Variants in KCNA2 observed in about 807,000 individuals in gnomAD.
KCNA2 encodes potassium channel, voltage gated shaker related subfamily A, member 2.
Under a neutral mutation model 33.4 loss-of-function variants are expected in KCNA2, and 11 were observed. The ratio of observed to expected loss-of-function variants is 0.33; its 90% CI spans 0.21 to 0.55. The LOEUF (loss-of-function observed/expected upper bound fraction) is 0.55, where lower values mean the gene tolerates loss of function less well. Among genes scored for constraint, KCNA2 ranks in the 20% least tolerant of loss-of-function variants. The pLI, the probability that KCNA2 is intolerant of heterozygous loss-of-function variation, is 0.93. For missense variants in KCNA2, 291 were observed against 621.6 expected (o/e 0.47, Z 5.66); for synonymous variants, 222 against 231.3 (o/e 0.96, Z 0.37).
In KCNA2 at chr1:110,599,993, C is replaced by T; in HGVS notation, c.*3290G>A. 2.0e-6 allele frequency: 2 copies of T among 985,158 alleles called. No homozygotes were observed. Among genetic ancestry groups the T allele is most frequent in the Non-Finnish European group, 2.4e-6 (2 of 829,890 alleles). 61.0% of individuals were successfully genotyped at this position (985,158 alleles called of 1,614,324 possible). On this transcript the variant is annotated 3_prime_UTR_variant, in exon 3 of 3. Transcript: ENST00000316361. ...GTCAGATATCTGCTTGATGTGGTGG[C>T]CCATCCTCCTGCTTGAAACCTAGGA...
intron 1 of KCNA2, among the ~76,000 whole-genome samples, chr1:110,618,692 G>T (rs956466509): frequency 6.6e-6 from 1 of 152,076 alleles, no homozygotes; most frequent in East Asian, 1.9e-4. Flanking sequence ...CCAAATTCTT[G>T]CTTCCTTCCC....
rs1649320277 is a variant in KCNA2 at position 110,601,053 on chromosome 1, T to C, written c.*2230A>G. 1.0e-6 allele frequency: 1 copy of C among 985,300 alleles called. No individual in the cohort carries two copies. Among genetic ancestry groups the C allele is most frequent in the Non-Finnish European group, 1.2e-6 (1 of 829,942 alleles). 61.0% of individuals were successfully genotyped at this position (985,300 alleles called of 1,614,324 possible). On this transcript the variant is annotated 3_prime_UTR_variant, in exon 3 of 3. Coordinates refer to ENST00000316361, the MANE Select transcript of KCNA2 (RefSeq NM_004974.4). Reference sequence around the variant, plus strand: ...GTTAAAAGCCCCCTACCTGAAGCCATTTCAGGGTCAACCTACTGTCTACCT... The same window carrying C: ...GTTAAAAGCCCCCTACCTGAAGCCACTTCAGGGTCAACCTACTGTCTACCT...
At chr1:110,611,587 A>T (rs116143756) in intron 1 of KCNA2, among the ~76,000 whole-genome samples, 123 of 152,280 alleles carry the variant, frequency 8.1e-4, no homozygotes, top group African/African-American at 2.9e-3. Flanking sequence ...TTAGCTGGGC[A>T]TAATAGCATG....
At chr1:110,629,800 G>A (rs1169955954) in intron 1 of KCNA2, among the ~76,000 whole-genome samples, 1 of 152,138 alleles carries the variant, frequency 6.6e-6, no homozygotes, top group East Asian at 1.9e-4. Flanking sequence ...TATGGTATTG[G>A]CAGAAAACAG....
chr1:110,612,253 C>A (rs1224487090), intron 1 of KCNA2, among the ~76,000 whole-genome samples: 1 of 152,112 alleles, frequency 6.6e-6, no homozygotes, highest in Non-Finnish European at 1.5e-5. Context: ...GTGATCTCAT[C>A]GTTGTGCAAA....
chr1:110,610,335 C>T (rs999030242), upstream of KCNA2, among the ~76,000 whole-genome samples: 10 of 152,216 alleles, frequency 6.6e-5, no homozygotes, highest in African/African-American at 2.2e-4. Context: ...TCTCAGGTGT[C>T]ACTCCCAGGG....
At chr1:110,610,990 C>T (rs1291658238), upstream of KCNA2, among the ~76,000 whole-genome samples, 1 of 151,024 alleles carries the variant, frequency 6.6e-6, no homozygotes, top group Non-Finnish European at 1.5e-5. Flanking sequence ...CGCCCACCCC[C>T]TTGCTTCATA....
intron 1 of KCNA2, among the ~76,000 whole-genome samples, chr1:110,622,134 G>C (rs1650273801): frequency 6.6e-6 from 1 of 151,974 alleles, no homozygotes; most frequent in Non-Finnish European, 1.5e-5. Flanking sequence ...AAAATAATAA[G>C]AAAAGAATAA....
At chr1:110,611,352 C>T (rs1649866602), upstream of KCNA2, among the ~76,000 whole-genome samples, 1 of 152,198 alleles carries the variant, frequency 6.6e-6, no homozygotes, top group Non-Finnish European at 1.5e-5. Flanking sequence ...CTCTAAGGGG[C>T]CCCTTCATGG....
rs762413638 is a variant in KCNA2, at chr1:110,599,678, A to G, written c.*3605T>C. The G allele has an allele frequency of 1.6e-5, 16 of 985,364 alleles. No homozygotes were observed. The African/African-American group carries it at 2.6e-4, about 16-fold the overall frequency. 61.0% of individuals were successfully genotyped at this position (985,364 alleles called of 1,614,324 possible). ...GAAGGGCAATAAAATCTGTGGGCTTAGAGAATGTTGGGGACATCTTTACCC... is the reference window on the plus strand; with the variant it reads ...GAAGGGCAATAAAATCTGTGGGCTTGGAGAATGTTGGGGACATCTTTACCC... On this transcript the variant is annotated 3_prime_UTR_variant, in exon 3 of 3. Transcript: ENST00000316361.
Position 110,596,256 on chromosome 1 carries a change from T to G in KCNA2, c.*7027A>C. On this transcript the variant is annotated 3_prime_UTR_variant, in exon 3 of 3. Transcript: ENST00000316361. The stretch of plus-strand genomic sequence containing the variant: ...AGTTTATTCCTTGGATTGCCAAATT[T>G]ATTCCACATAAGTGAAACTAAGGAG... The G allele has an allele frequency of 1.0e-6, 1 of 984,050 alleles. No individual in the cohort carries two copies. The highest frequency in any genetic ancestry group is 1.2e-6 in the Non-Finnish European group (1 of 828,720). 61.0% of individuals were successfully genotyped at this position (984,050 alleles called of 1,614,324 possible).
Position 110,594,699 on chromosome 1 carries a change from C to T in KCNA2, c.*8584G>A, listed in dbSNP as rs1316434919. 6 of 985,250 alleles carry T rather than the reference C, an allele frequency of 6.1e-6. No homozygotes were observed. The highest frequency in any genetic ancestry group is 3.5e-5 in the African/African-American group (2 of 57,216). The allele number at this position is 985,250 out of a possible 1,614,324, so 61.0% of individuals were successfully genotyped here. On this transcript the variant is annotated 3_prime_UTR_variant, in exon 3 of 3. Transcript: ENST00000316361. The stretch of plus-strand genomic sequence containing the variant: ...AAGGAAACTGGGTCGCTGGATCCCA[C>T]GTGAAGGCAGAACTGGGGCAAGCAC...
Position 110,599,039 on chromosome 1 carries a change from C to T in KCNA2, c.*4244G>A, listed in dbSNP as rs1275970214. The T allele has an allele frequency of 1.7e-5, 17 of 985,222 alleles. No individual in the cohort carries two copies. Among genetic ancestry groups the T allele is most frequent in the South Asian group, 4.7e-5 (1 of 21,284 alleles). The allele number at this position is 985,222 out of a possible 1,614,324, so 61.0% of individuals were successfully genotyped here. On this transcript the variant is annotated 3_prime_UTR_variant, in exon 3 of 3. Transcript: ENST00000316361. ...AAACACAAGTTTCCAGCAAAGCACA[C>T]GTTTTGGACCCATATGTCCACTCCC...
intron 1 of KCNA2, among the ~76,000 whole-genome samples, chr1:110,628,883 A>C (rs1650471452): frequency 6.6e-6 from 1 of 152,090 alleles, no homozygotes; most frequent in African/African-American, 2.4e-5. Context: ...TGTTTATTGA[A>C]TACATGGACA....
chr1:110,630,332 C>T (rs1289010950), intron 1 of KCNA2, among the ~76,000 whole-genome samples: 3 of 152,086 alleles, frequency 2.0e-5, no homozygotes. Flanking sequence ...GTGCTCTGTA[C>T]TTTTTCTCCT....
chr1:110,609,483 TA>T (rs773048649), upstream of KCNA2, among the ~76,000 whole-genome samples: 3 of 152,194 alleles, frequency 2.0e-5, no homozygotes, highest in Admixed American at 6.5e-5. Flanking sequence ...TGCCTGAGGT[TA>T]ATAAATGGTG....
Position 110,600,082 on chromosome 1 carries a change from G to T in KCNA2, c.*3201C>A, listed in dbSNP as rs1649270836. ...GAATAGAGAAAGAGATTCCTTGAAA[G>T]ATCCTGGGGGATATAGACACAGGCC... On this transcript the variant is annotated 3_prime_UTR_variant, in exon 3 of 3. Transcript: ENST00000316361. 11 of 984,948 alleles carry T rather than the reference G, an allele frequency of 1.1e-5. No homozygotes were observed. In the Admixed American group the frequency reaches 6.8e-4, roughly 61 times the overall value. 61.0% of individuals were successfully genotyped at this position (984,948 alleles called of 1,614,324 possible). A position where few individuals can be genotyped will look rare whatever the true frequency, so the allele number is the denominator to read the frequency against.
chr1:110,601,086 G>T lies in KCNA2; in HGVS notation c.*2197C>A. The T allele has an allele frequency of 1.0e-6, 1 of 985,450 alleles. No individual in the cohort carries two copies. Among genetic ancestry groups the T allele is most frequent in the Non-Finnish European group, 1.2e-6 (1 of 829,930 alleles). 61.0% of individuals were successfully genotyped at this position (985,450 alleles called of 1,614,324 possible). On this transcript the variant is annotated 3_prime_UTR_variant, in exon 3 of 3. Coordinates refer to ENST00000316361, the MANE Select transcript of KCNA2 (RefSeq NM_004974.4). ...TCAACCTACTGTCTACCTTTAGGCT[G>T]TGCAGTGCTCATTTGCACTCTACTT...
Position 110,601,344 on chromosome 1 carries a change from T to C in KCNA2, c.*1939A>G. The C allele has an allele frequency of 2.0e-6, 2 of 985,416 alleles. No homozygotes were observed. Among genetic ancestry groups the C allele is most frequent in the Non-Finnish European group, 2.4e-6 (2 of 829,932 alleles). 61.0% of individuals were successfully genotyped at this position (985,416 alleles called of 1,614,324 possible). A position where few individuals can be genotyped will look rare whatever the true frequency, so the allele number is the denominator to read the frequency against. The stretch of plus-strand genomic sequence containing the variant: ...TCCCAGGGAGTCCTACTCCTTGGTG[T>C]CCTTGGTTTCAAAGCAGGGGATCCA... On this transcript the variant is annotated 3_prime_UTR_variant, in exon 3 of 3. Transcript: ENST00000316361.
Sources: allele counts gnomAD v4.1 joint callset (sites outside exome capture counted in the v4.1 genomes callset), GRCh38; gene constraint gnomAD v4.1.1; transcripts MANE v1.5; gene names NCBI Gene and HGNC (gene_info 2026-07-23, HGNC 2026-07-21).